Variants in GRIN2A observed in about 807,000 individuals in gnomAD.
The protein encoded by GRIN2A is glutamate ionotropic receptor NMDA type subunit 2A.
A neutral mutation model predicts 113.4 loss-of-function variants in GRIN2A; 22 were observed. That is an observed-to-expected ratio of 0.19 (90% CI 0.14 to 0.28). The LOEUF (loss-of-function observed/expected upper bound fraction) is 0.28. Among genes scored for constraint, GRIN2A ranks in the 10% least tolerant of loss-of-function variants. The probability of loss-of-function intolerance (pLI) is 1.00; values close to 1 mark genes in which losing one functional copy is unlikely to be tolerated. For synonymous variants in GRIN2A, 827 were observed against 738.4 expected, an observed-to-expected ratio of 1.12 and a Z score of -1.94; for missense variants, 1,502 against 1,887.0, an observed-to-expected ratio of 0.80 and a Z score of 3.78.
chr16:9,928,635 A>G (rs1400629283), intron 3 of GRIN2A, among the ~76,000 whole-genome samples: 1 of 152,040 alleles, frequency 6.6e-6, no homozygotes, highest in Non-Finnish European at 1.5e-5. Context: ...TCATCTGTCC[A>G]GACCAAAGCT....
intron 2 of GRIN2A, among the ~76,000 whole-genome samples, chr16:10,049,060 A>T (rs1272685355): frequency 1.3e-5 from 2 of 152,114 alleles, no homozygotes; most frequent in African/African-American, 4.8e-5. Flanking sequence ...GGGGAGGAAA[A>T]TCTATAACAG....
intron 4 of GRIN2A, among the ~76,000 whole-genome samples, chr16:9,874,798 G>A (rs1017272674): frequency 1.3e-5 from 2 of 151,914 alleles, no homozygotes; most frequent in Non-Finnish European, 2.9e-5. Context: ...GTTAAAAGAG[G>A]ATCAAGGCTG....
intron 2 of GRIN2A, among the ~76,000 whole-genome samples, chr16:10,069,528 C>T (rs139267621): frequency 3.3e-5 from 5 of 152,350 alleles, no homozygotes; most frequent in African/African-American, 1.2e-4. Flanking sequence ...AGTGGATCTG[C>T]TCTGCAGTCA....
At chr16:9,970,626 C>CAA (rs34998731) in intron 2 of GRIN2A, 185,302 of 215,746 alleles carry the variant, frequency 0.86, 80,275 homozygotes, top group African/African-American at 0.96. Flanking sequence ...CCTTAACTGA[C>CAA]TGTGAATTTA....
At chr16:10,081,940 A>C (rs2047993584) in intron 2 of GRIN2A, among the ~76,000 whole-genome samples, 1 of 152,238 alleles carries the variant, frequency 6.6e-6, no homozygotes, top group Non-Finnish European at 1.5e-5. Context: ...GTAGTCCTGG[A>C]GTCAGCCTTG....
In GRIN2A at chr16:9,860,410, T is replaced by C. The variant is rs566372125; in HGVS notation, c.1123-10449A>G. Among the ~76,000 whole-genome samples the C allele has an allele frequency of 2.4e-3, 299 of 126,666 alleles. 1 individual carries two copies. The highest frequency in any genetic ancestry group is 9.1e-3 in the African/African-American group (286 of 31,452). 83.1% of individuals were successfully genotyped at this position (126,666 alleles called of 152,430 possible). A position where few individuals can be genotyped will look rare whatever the true frequency, so the allele number is the denominator to read the frequency against. On this transcript the variant is annotated intron_variant, in intron 4 of 12. Transcript: ENST00000330684. ...TTGCAGTGAGCTGAGATTGCACCACTGCACTCCAGCCTGGGTGACAGAGCA... is the reference window on the plus strand; with the variant it reads ...TTGCAGTGAGCTGAGATTGCACCACCGCACTCCAGCCTGGGTGACAGAGCA...
chr16:10,139,139 G>A (rs1440545945), intron 2 of GRIN2A, among the ~76,000 whole-genome samples: 1 of 152,230 alleles, frequency 6.6e-6, no homozygotes, highest in African/African-American at 2.4e-5. Context: ...GACAGCCCTG[G>A]AGGCCTGGAA....
At chr16:10,032,037 T>C (rs1370057966) in intron 2 of GRIN2A, among the ~76,000 whole-genome samples, 1 of 152,236 alleles carries the variant, frequency 6.6e-6, no homozygotes, top group Non-Finnish European at 1.5e-5. Flanking sequence ...GGTCACACAG[T>C]ACTTATTACA....
intron 2 of GRIN2A, among the ~76,000 whole-genome samples, chr16:10,029,138 T>C (rs1384079843): frequency 2.0e-5 from 3 of 152,082 alleles, no homozygotes; most frequent in African/African-American, 4.8e-5. Context: ...CTATGGAAAA[T>C]TGGGAGAGAG....
chr16:10,084,140 A>T (rs2048040109), intron 2 of GRIN2A, among the ~76,000 whole-genome samples: 1 of 152,190 alleles, frequency 6.6e-6, no homozygotes, highest in Non-Finnish European at 1.5e-5. Flanking sequence ...AAAATTAAAT[A>T]AGTTGACAAA....
chr16:10,016,202 C>A (rs2046608222), intron 2 of GRIN2A, among the ~76,000 whole-genome samples: 1 of 151,780 alleles, frequency 6.6e-6, no homozygotes, highest in South Asian at 2.1e-4. Flanking sequence ...AGAGAAGAGG[C>A]CCCCTAATTC....
In GRIN2A at chr16:10,053,455, C is replaced by G. The variant is rs532530854; in HGVS notation, c.415-114904G>C. On this transcript the variant is annotated intron_variant, in intron 2 of 12. Coordinates refer to ENST00000330684, the MANE Select transcript of GRIN2A (RefSeq NM_001134407.3). ...AGCAAGAGAAGAGCTGGAGCTTAAA[C>G]CTGAAATGTGTGCCTCTCTGAAGCC... Among the ~76,000 whole-genome samples the G allele has an allele frequency of 2.0e-5, 3 of 152,336 alleles. No individual in the cohort carries two copies. The East Asian group carries it at 5.8e-4, about 29-fold the overall frequency.
At chr16:9,918,600 G>A (rs934786993) in intron 3 of GRIN2A, among the ~76,000 whole-genome samples, 1 of 152,122 alleles carries the variant, frequency 6.6e-6, no homozygotes, top group Non-Finnish European at 1.5e-5. Context: ...TAACATATAC[G>A]AAGCACAAAT....
At chr16:10,057,558 G>A (rs2047477708) in intron 2 of GRIN2A, among the ~76,000 whole-genome samples, 1 of 152,126 alleles carries the variant, frequency 6.6e-6, no homozygotes, top group Admixed American at 6.5e-5. Flanking sequence ...AAGGGTGCAG[G>A]GGACAGGGCA....
intron 2 of GRIN2A, among the ~76,000 whole-genome samples, chr16:10,044,040 G>A (rs1311992657): frequency 6.9e-6 from 1 of 144,920 alleles, no homozygotes; most frequent in Non-Finnish European, 1.5e-5. Context: ...GAGAGAGAGA[G>A]AGAGAGACAG....
intron 3 of GRIN2A, among the ~76,000 whole-genome samples, chr16:9,923,259 T>C (rs543119370): frequency 1.3e-5 from 2 of 152,308 alleles, no homozygotes; most frequent in Admixed American, 1.3e-4. Context: ...GTCTTATTAA[T>C]ACAGCCAGTC....
At chr16:9,826,025 T>G in intron 9 of GRIN2A, among the ~76,000 whole-genome samples, 5 of 143,644 alleles carry the variant, frequency 3.5e-5, no homozygotes, top group East Asian at 4.1e-4. Context: ...GAGGGGGGAG[T>G]GGAAAGGAGG....
chr16:9,859,178 C>T (rs965606543), intron 4 of GRIN2A, among the ~76,000 whole-genome samples: 1 of 152,140 alleles, frequency 6.6e-6, no homozygotes, highest in African/African-American at 2.4e-5. Flanking sequence ...CATTCTCACA[C>T]ACATCGTCAC....
At chr16:9,875,524 C>G (rs1272686151) in intron 4 of GRIN2A, among the ~76,000 whole-genome samples, 1 of 152,162 alleles carries the variant, frequency 6.6e-6, no homozygotes, top group Non-Finnish European at 1.5e-5. Flanking sequence ...GAGCAGCTCT[C>G]TGTTCTGTCC....
Sources: allele counts gnomAD v4.1 joint callset (sites outside exome capture counted in the v4.1 genomes callset), GRCh38; gene constraint gnomAD v4.1.1; transcripts MANE v1.5; gene names NCBI Gene and HGNC (gene_info 2026-07-23, HGNC 2026-07-21).